ARHGAP45: variants seen among roughly 807,000 people sequenced by gnomAD.
ARHGAP45 encodes rho GTPase-activating protein 45.
A neutral mutation model predicts 116.1 loss-of-function variants in ARHGAP45; 56 were observed. That is an observed-to-expected ratio of 0.48 (90% CI 0.39 to 0.60). The LOEUF (loss-of-function observed/expected upper bound fraction) is 0.60, where lower values mean the gene tolerates loss of function less well. Ranked by LOEUF, ARHGAP45 falls within the 20% of genes least tolerant of loss-of-function variation. ARHGAP45 has a pLI of 0.00. For synonymous variants in ARHGAP45, 866 were observed against 701.7 expected (o/e 1.23, Z -3.70); for missense variants, 1,622 against 1,601.0 (o/e 1.01, Z -0.22).
intron 2 of ARHGAP45, among the ~76,000 whole-genome samples, chr19:1,072,605 T>C (rs1470573979): frequency 6.6e-6 from 1 of 152,180 alleles, no homozygotes; most frequent in Non-Finnish European, 1.5e-5. Flanking sequence ...ACCTCCTCTG[T>C]TCTAACACCT....
At position 1,081,126 on chromosome 19, in the gene ARHGAP45, C is replaced by G. The variant is rs367608575; in HGVS notation, c.2190+62C>G. Reference sequence around the variant, plus strand: ...CGGGAGCCTTTGGGGTGCCCAGCACCGCCGGCCTGTGTGCCCTCAGGAATG... The same window carrying G: ...CGGGAGCCTTTGGGGTGCCCAGCACGGCCGGCCTGTGTGCCCTCAGGAATG... On this transcript the variant is annotated intron_variant, in intron 17 of 22. Coordinates refer to ENST00000313093, the MANE Select transcript of ARHGAP45 (RefSeq NM_012292.5). 12 of 1,503,598 alleles carry G rather than the reference C, an allele frequency of 8.0e-6. No individual in the cohort carries two copies. In the East Asian group the frequency reaches 9.4e-5, roughly 12 times the overall value. The allele number at this position is 1,503,598 out of a possible 1,614,324, so 93.1% of individuals were successfully genotyped here. A position where few individuals can be genotyped will look rare whatever the true frequency, so the allele number is the denominator to read the frequency against.
chr19:1,070,276 C>T (rs1468058105), intron 2 of ARHGAP45, among the ~76,000 whole-genome samples: 1 of 150,576 alleles, frequency 6.6e-6, no homozygotes, highest in Non-Finnish European at 1.5e-5. Context: ...TTACAGCAGG[C>T]ATGAGCCACC....
rs753083175 is a variant in ARHGAP45, at chr19:1,074,719, A to T, written c.1099A>T (p.Met367Leu). 1 of 1,595,096 alleles carries T rather than the reference A, an allele frequency of 6.3e-7. No individual in the cohort carries two copies. ...GGGCACCTTGCAGACCCAGACCTTC[A>T]TGCAGGTGCGTGGTGCCCGGGAGGG... ...AVGTLQTQTF[M>L]QPLTLRRLEH... Residue 367 changes from methionine to leucine, a missense_variant, in exon 9 of 23, where the codon ATG becomes TTG. Physicochemically the swap from Met to Leu is conservative, Grantham distance 15. Coordinates refer to ENST00000313093, the MANE Select transcript of ARHGAP45 (RefSeq NM_012292.5).
rs182459799 is a variant in ARHGAP45, at chr19:1,075,102, G to A, written c.1185+223G>A. Among the ~76,000 whole-genome samples, 124 of 151,952 alleles carry A rather than the reference G, an allele frequency of 8.2e-4. 6 individuals are homozygous for A. The East Asian group carries it at 0.023, about 28-fold the overall frequency. On this transcript the variant is annotated intron_variant, in intron 10 of 22. Coordinates refer to ENST00000313093, the MANE Select transcript of ARHGAP45 (RefSeq NM_012292.5). ...CAGCTCTGCCTGGAAGGACCCAGGAGCCCGGCGCTCACTGCTGTCCCTGCA... is the reference window on the plus strand; with the variant it reads ...CAGCTCTGCCTGGAAGGACCCAGGAACCCGGCGCTCACTGCTGTCCCTGCA...
chr19:1,083,693 CCTGCCCGAG>C (rs1243621690), intron 21 of ARHGAP45, among the ~76,000 whole-genome samples: 2 of 152,192 alleles, frequency 1.3e-5, no homozygotes, highest in African/African-American at 4.8e-5. Flanking sequence ...GTGTCCACAG[CCTGCCCGAG>C]CTGCCACTGC....
intron 10 of ARHGAP45, among the ~76,000 whole-genome samples, chr19:1,076,481 GTCTTTTT>G (rs2043251284): frequency 3.8e-5 from 4 of 104,150 alleles, no homozygotes; most frequent in African/African-American, 1.6e-4. Context: ...GTTGGCAGTA[GTCTTTTT>G]TTTTTTTTTT....
intron 11 of ARHGAP45, among the ~76,000 whole-genome samples, chr19:1,079,143 G>A (rs1489447399): frequency 1.3e-5 from 2 of 148,420 alleles, no homozygotes; most frequent in Non-Finnish European, 3.0e-5. Flanking sequence ...TCGCGCCACT[G>A]CACTCCAGCC....
At position 1,081,720 on chromosome 19, in the gene ARHGAP45, G is replaced by C; in HGVS notation, c.2361G>C (p.Arg787=). Residue 787 remains arginine, a synonymous_variant, in exon 18 of 23, where the codon CGG becomes CGC. Transcript: ENST00000313093. ...IVKKCVCEIE[R]RALRTKGIYR... ...AGAAGTGCGTCTGCGAGATCGAGCGGCGGGCGCTGCGCACCAAGGTGAGGC... is the reference window on the plus strand; with the variant it reads ...AGAAGTGCGTCTGCGAGATCGAGCGCCGGGCGCTGCGCACCAAGGTGAGGC... 1 of 1,570,790 alleles carries C rather than the reference G, an allele frequency of 6.4e-7. No individual in the cohort carries two copies. Among genetic ancestry groups the C allele is most frequent in the Middle Eastern group, 1.7e-4 (1 of 5,866 alleles).
At position 1,068,570 on chromosome 19, in the gene ARHGAP45, G is replaced by C; in HGVS notation, c.247G>C (p.Ala83Pro). 1 of 1,610,086 alleles carries C rather than the reference G, an allele frequency of 6.2e-7. No homozygotes were observed. The highest frequency in any genetic ancestry group is 8.5e-7 in the Non-Finnish European group (1 of 1,178,578). The part of the protein sequence containing the change: ...SAAGFPLSGA[A>P]SWTLGRSHRS... ...GGCTGGCTTCCCCCTGTCGGGTGCT[G>C]CCTCCTGGACACTGGGCCGGAGCCA... The change falls in exon 2 of 23, where the codon GCC becomes CCC. Residue 83 changes from alanine (A) to proline (P), a missense_variant. Physicochemically the swap from Ala to Pro is conservative, Grantham distance 27. Transcript: ENST00000313093. The surrounding 1 kb of genome is among the most constrained non-coding windows in gnomAD (Gnocchi z 7.5).
At chr19:1,066,211 A>G, upstream of ARHGAP45, 1 of 1,070,614 alleles carries the variant, frequency 9.3e-7, no homozygotes, top group Non-Finnish European at 1.2e-6. Context: ...GGGTTTTGGG[A>G]TTGGGGGTGG....
chr19:1,084,611 A>T (rs886421218), intron 22 of ARHGAP45, among the ~76,000 whole-genome samples: 1 of 152,178 alleles, frequency 6.6e-6, no homozygotes, highest in African/African-American at 2.4e-5. Context: ...ATGCCTTGTG[A>T]GGCTCCAGGT....
intron 21 of ARHGAP45, among the ~76,000 whole-genome samples, chr19:1,083,797 A>G (rs926709311): frequency 1.3e-5 from 2 of 152,100 alleles, no homozygotes; most frequent in African/African-American, 4.8e-5. Context: ...CTGAAGTGCA[A>G]TGGGGCGATC....
At chr19:1,079,372 G>A (rs2043356449) in intron 11 of ARHGAP45, among the ~76,000 whole-genome samples, 1 of 150,154 alleles carries the variant, frequency 6.7e-6, no homozygotes, top group African/African-American at 2.5e-5. Context: ...GGGTATGGTG[G>A]GTGGGGGGCA....
In ARHGAP45 at chr19:1,076,481, G is replaced by GTTTTTT. The variant is rs1568464614; in HGVS notation, c.1186-1375_1186-1374insTTTTTT. Among the ~76,000 whole-genome samples, 221 of 104,166 alleles carry GTTTTTT rather than the reference G, an allele frequency of 2.1e-3. 8 individuals are homozygous for GTTTTTT. The highest frequency in any genetic ancestry group is 8.5e-3 in the African/African-American group (216 of 25,338). 68.3% of individuals were successfully genotyped at this position (104,166 alleles called of 152,430 possible). ...TAGAAACCTGTGATTGTTGGCAGTA[G>GTTTTTT]TCTTTTTTTTTTTTTTTTTTTTTTT... On this transcript the variant is annotated intron_variant, in intron 10 of 22. Transcript: ENST00000313093.
rs150873583 is a variant in ARHGAP45, at chr19:1,077,234, G to T, written c.1186-623G>T. ...AAAGAGCCCGGAGACGCTCCCGTGG[G>T]GGCTGGTGTGCGTGTCTGCAGAGGC... On this transcript the variant is annotated intron_variant, in intron 10 of 22. Coordinates refer to ENST00000313093, the MANE Select transcript of ARHGAP45 (RefSeq NM_012292.5). 1.3e-5 allele frequency: 13 copies of T among 985,416 alleles called. No individual in the cohort carries two copies. In the East Asian group the frequency reaches 1.4e-3, roughly 103 times the overall value. 61.0% of individuals were successfully genotyped at this position (985,416 alleles called of 1,614,324 possible).
intron 11 of ARHGAP45, among the ~76,000 whole-genome samples, chr19:1,078,910 G>A (rs2043344578): frequency 1.3e-5 from 2 of 151,484 alleles, no homozygotes; most frequent in Non-Finnish European, 2.9e-5. Flanking sequence ...GCCGGGCGCA[G>A]TGGCTCACGC....
chr19:1,067,928 C>T (rs79119189), intron 1 of ARHGAP45, among the ~76,000 whole-genome samples: 11,135 of 129,472 alleles, frequency 0.086, 531 homozygotes, highest in South Asian at 0.18. Context: ...TGGGGAGTGT[C>T]CCCAGGCCTG....
intron 10 of ARHGAP45, chr19:1,077,494 G>A: frequency 1.0e-6 from 1 of 980,678 alleles, no homozygotes; most frequent in South Asian, 2.7e-5. Flanking sequence ...CGCGATTCTA[G>A]TGCCTCAGCC....
rs763645536 is a variant in ARHGAP45 at position 1,074,327 on chromosome 19, C to G, written c.929-16C>G. 1 of 1,611,202 alleles carries G rather than the reference C, an allele frequency of 6.2e-7. No homozygotes were observed. The highest frequency in any genetic ancestry group is 8.5e-7 in the Non-Finnish European group (1 of 1,178,932). On this transcript the variant is annotated splice_polypyrimidine_tract_variant and intron_variant, in intron 7 of 22. Coordinates refer to ENST00000313093, the MANE Select transcript of ARHGAP45 (RefSeq NM_012292.5). ...AGGCCTTGTCCCAGCACCTCACACCCCTCTCCGGCCCGCAGAGATGGAGTT... is the reference window on the plus strand; with the variant it reads ...AGGCCTTGTCCCAGCACCTCACACCGCTCTCCGGCCCGCAGAGATGGAGTT...
Sources: allele counts gnomAD v4.1 joint callset (sites outside exome capture counted in the v4.1 genomes callset), GRCh38; gene constraint gnomAD v4.1.1; non-coding constraint Gnocchi (gnomAD v3.1); transcripts MANE v1.5; gene names NCBI Gene and HGNC (gene_info 2026-07-23, HGNC 2026-07-21).